The following PTK2 variants were observed in gnomAD, a reference collection of about 807,000 sequenced individuals.
The protein encoded by PTK2 is protein tyrosine kinase 2.
In PTK2, 45 loss-of-function variants were observed where a neutral mutation model predicts 150.1. The ratio of observed to expected loss-of-function variants is 0.30; its 90% CI spans 0.24 to 0.38. The LOEUF (loss-of-function observed/expected upper bound fraction) is 0.38. Ranked by LOEUF, PTK2 falls within the 10% of genes least tolerant of loss-of-function variation. The pLI, the probability that PTK2 is intolerant of heterozygous loss-of-function variation, is 1.00. For synonymous variants in PTK2, 432 were observed against 449.2 expected, an observed-to-expected ratio of 0.96 and a Z score of 0.48; for missense variants, 919 against 1,307.3, an observed-to-expected ratio of 0.70 and a Z score of 4.58.
rs576473305 is a variant in PTK2 at position 140,786,301 on chromosome 8, T to A, written c.1177+3173A>T. 1.3e-4 allele frequency among the ~76,000 whole-genome samples: 20 copies of A among 152,298 alleles called. No individual in the cohort carries two copies. In the East Asian group the frequency reaches 3.7e-3, roughly 28 times the overall value. On this transcript the variant is annotated intron_variant, in intron 14 of 31. Transcript: ENST00000522684. ...AACACGCTTACTGTGGAGAAGCACA[T>A]GCAGAATTTCACAAGGATCCAGGAG...
At chr8:140,977,202 C>T (rs1025242412) in intron 1 of PTK2, among the ~76,000 whole-genome samples, 3 of 151,998 alleles carry the variant, frequency 2.0e-5, no homozygotes, top group Non-Finnish European at 4.4e-5. Context: ...CCAAGTTTGG[C>T]AACATAGTGG....
chr8:140,910,216 A>G (rs2100162570), intron 2 of PTK2, among the ~76,000 whole-genome samples: 1 of 152,202 alleles, frequency 6.6e-6, no homozygotes, highest in Admixed American at 6.5e-5. Context: ...GAAAAATAAA[A>G]GAGTGGGGGA....
At chr8:140,910,561 ATAGAAGTC>A (rs1029700373) in intron 2 of PTK2, among the ~76,000 whole-genome samples, 22 of 152,226 alleles carry the variant, frequency 1.4e-4, no homozygotes, top group African/African-American at 5.3e-4. Flanking sequence ...AGTGACTGCT[ATAGAAGTC>A]TTTCTTCTAC....
At position 140,889,227 on chromosome 8, in the gene PTK2, CTTTTT is replaced by C. The variant is rs902457932; in HGVS notation, c.195+1311_195+1315del. Among the ~76,000 whole-genome samples, 3 of 151,118 alleles carry C rather than the reference CTTTTT, an allele frequency of 2.0e-5. No individual in the cohort carries two copies. In the East Asian group the frequency reaches 5.8e-4, roughly 29 times the overall value. On this transcript the variant is annotated intron_variant, in intron 3 of 31. Transcript: ENST00000522684. ...TATATACAAGACTTTAGCCTTAAATCTTTTTTTTCTTTTTTTTCTTTTGAGACAGT... is the reference window on the plus strand; with the variant it reads ...TATATACAAGACTTTAGCCTTAAATCTTTCTTTTTTTTCTTTTGAGACAGT...
At chr8:140,733,061 G>A (rs924976661) in intron 22 of PTK2, among the ~76,000 whole-genome samples, 1 of 152,202 alleles carries the variant, frequency 6.6e-6, no homozygotes, top group African/African-American at 2.4e-5. Context: ...GTTTTGACCA[G>A]GGGAGTTATT....
chr8:140,940,106 T>C (rs2100175127), intron 1 of PTK2, among the ~76,000 whole-genome samples: 1 of 152,234 alleles, frequency 6.6e-6, no homozygotes, highest in African/African-American at 2.4e-5. Context: ...ACTGTTCGTA[T>C]TGACATATCC....
chr8:140,840,366 T>C (rs2100121598), intron 7 of PTK2, among the ~76,000 whole-genome samples: 1 of 152,150 alleles, frequency 6.6e-6, no homozygotes, highest in South Asian at 2.1e-4. Context: ...GTTTAAGAAA[T>C]AAAATCATAT....
intron 2 of PTK2, among the ~76,000 whole-genome samples, chr8:140,894,826 T>C (rs990169888): frequency 2.0e-5 from 3 of 152,176 alleles, no homozygotes; most frequent in Admixed American, 6.5e-5. Flanking sequence ...CTTCTGAGTA[T>C]ACATGAATAC....
chr8:140,734,981 C>T (rs954012168), intron 22 of PTK2: 44 of 500,558 alleles, frequency 8.8e-5, no homozygotes, highest in East Asian at 1.8e-4. Context: ...TAAGTTATTA[C>T]GGGTCTTGTA....
intron 23 of PTK2, among the ~76,000 whole-genome samples, chr8:140,717,260 T>C (rs557723946): frequency 6.6e-6 from 1 of 152,208 alleles, no homozygotes; most frequent in African/African-American, 2.4e-5. Flanking sequence ...TAGTCTGGTA[T>C]TTTAATCCAG....
chr8:140,983,626 G>T (rs1410963899), intron 1 of PTK2, among the ~76,000 whole-genome samples: 1 of 151,516 alleles, frequency 6.6e-6, no homozygotes, highest in African/African-American at 2.4e-5. Context: ...GTACAAGAAG[G>T]CTGGTTCATC....
chr8:140,691,737 C>G (rs902404217), intron 26 of PTK2, among the ~76,000 whole-genome samples: 1 of 152,178 alleles, frequency 6.6e-6, no homozygotes, highest in Non-Finnish European at 1.5e-5. Context: ...GTAAAATAGG[C>G]AGAATAATAC....
At chr8:140,907,564 A>AAAC (rs962064740) in intron 2 of PTK2, among the ~76,000 whole-genome samples, 1 of 152,124 alleles carries the variant, frequency 6.6e-6, no homozygotes, top group African/African-American at 2.4e-5. Flanking sequence ...TTTAAAACAA[A>AAAC]AACAACAACA....
At chr8:140,956,848 G>A (rs2100181370) in intron 1 of PTK2, among the ~76,000 whole-genome samples, 2 of 152,030 alleles carry the variant, frequency 1.3e-5, no homozygotes, top group African/African-American at 4.8e-5. Flanking sequence ...GATCACCTGA[G>A]GTCAGAAGTT....
At chr8:140,693,414 A>G (rs140901158) in intron 26 of PTK2, among the ~76,000 whole-genome samples, 438 of 151,956 alleles carry the variant, frequency 2.9e-3, no homozygotes, top group Non-Finnish European at 5.3e-3. Context: ...AAAATTAGCC[A>G]GGCTTGGTAG....
chr8:140,767,416 G>A (rs1217479017), intron 14 of PTK2, among the ~76,000 whole-genome samples: 2 of 148,784 alleles, frequency 1.3e-5, no homozygotes, highest in Non-Finnish European at 3.0e-5. Flanking sequence ...GCAGGTAAAT[G>A]ATCTGCAAAA....
At chr8:140,695,529 G>A (rs1297273917) in intron 26 of PTK2, among the ~76,000 whole-genome samples, 2 of 151,866 alleles carry the variant, frequency 1.3e-5, no homozygotes, top group Non-Finnish European at 2.9e-5. Context: ...TGCTGCTGCA[G>A]CCTCCTGAGT....
intron 14 of PTK2, among the ~76,000 whole-genome samples, chr8:140,782,260 G>A (rs2100082188): frequency 6.7e-6 from 1 of 150,220 alleles, no homozygotes; most frequent in Non-Finnish European, 1.5e-5. Flanking sequence ...TTTTTGGGGG[G>A]GGGGACAGGG....
intron 1 of PTK2, among the ~76,000 whole-genome samples, chr8:140,996,201 G>A (rs1431356214): frequency 6.6e-6 from 1 of 152,332 alleles, no homozygotes; most frequent in South Asian, 2.1e-4. Flanking sequence ...GCCTAACAAG[G>A]CCTAATTCAG....
Sources: allele counts gnomAD v4.1 joint callset (sites outside exome capture counted in the v4.1 genomes callset), GRCh38; gene constraint gnomAD v4.1.1; transcripts MANE v1.5; gene names NCBI Gene and HGNC (gene_info 2026-07-23, HGNC 2026-07-21).